The following DNAH10 variants were observed in gnomAD, a reference collection of about 807,000 sequenced individuals.
DNAH10 encodes axonemal beta dynein heavy chain 10.
A neutral mutation model predicts 506.6 loss-of-function variants in DNAH10; 348 were observed. The observed-to-expected ratio is 0.69, with a 90% CI of 0.63 to 0.75. The LOEUF (loss-of-function observed/expected upper bound fraction) is 0.75, where lower values mean the gene tolerates loss of function less well. Ranked by LOEUF, DNAH10 falls within the 30% of genes least tolerant of loss-of-function variation. The probability of loss-of-function intolerance (pLI) is 0.00; values close to 1 mark genes in which losing one functional copy is unlikely to be tolerated. For synonymous variants in DNAH10, 2,059 were observed against 2,198.6 expected (o/e 0.94, Z 1.78); for missense variants, 5,179 against 5,787.1 (o/e 0.89, Z 3.41).
chr12:123,916,391 C>T lies in DNAH10; in HGVS notation c.10723-66C>T, dbSNP rs1362779301. 11 of 1,547,032 alleles carry T rather than the reference C, an allele frequency of 7.1e-6. No individual in the cohort carries two copies. Among genetic ancestry groups the T allele is most frequent in the Non-Finnish European group, 9.6e-6 (11 of 1,150,118 alleles). The stretch of plus-strand genomic sequence containing the variant: ...CCACTTCCCACTTCCAAGCCATTCT[C>T]CCCTTATATTTGGCAGGGCCACAGT... On this transcript the variant is annotated intron_variant, in intron 62 of 78. Coordinates refer to ENST00000673944, the MANE Select transcript of DNAH10 (RefSeq NM_001372106.1). The surrounding 1 kb of genome is among the most constrained non-coding windows in gnomAD (Gnocchi z 4.6).
intron 57 of DNAH10, among the ~76,000 whole-genome samples, chr12:123,906,928 T>C (rs1953810123): frequency 6.6e-6 from 1 of 152,264 alleles, no homozygotes; most frequent in Non-Finnish European, 1.5e-5. Flanking sequence ...GATGTTTCTC[T>C]AACTATAAAA....
chr12:123,775,443 C>T (rs1957404025), intron 5 of DNAH10, among the ~76,000 whole-genome samples: 1 of 152,318 alleles, frequency 6.6e-6, no homozygotes, highest in South Asian at 2.1e-4. Flanking sequence ...AAAAACTCAT[C>T]AGCAGGCCTT....
chr12:123,780,939 T>A (rs1957621870), intron 5 of DNAH10, 141 bp from the exon 6 acceptor site: 1 of 526,228 alleles, frequency 1.9e-6, no homozygotes, highest in Admixed American at 5.8e-5. Flanking sequence ...TGAGACTCTG[T>A]CTCAAAAAAA....
At chr12:123,871,687 T>G in intron 45 of DNAH10, 85 bp downstream of exon 45, 2 of 1,443,982 alleles carry the variant, frequency 1.4e-6, no homozygotes, top group Non-Finnish European at 1.9e-6. Flanking sequence ...AGCACTGTGA[T>G]CTCACAGTTT....
At chr12:123,809,629 A>G (rs915695450) in intron 19 of DNAH10, among the ~76,000 whole-genome samples, 1 of 145,666 alleles carries the variant, frequency 6.9e-6, no homozygotes, top group African/African-American at 2.6e-5. Flanking sequence ...AGCCTGGGCA[A>G]CAGAGCAAGA....
Position 123,917,514 on chromosome 12 carries a change from ACAG to A in DNAH10, c.11003-66_11003-64del. 2 of 1,462,900 alleles carry A rather than the reference ACAG, an allele frequency of 1.4e-6. No homozygotes were observed. The highest frequency in any genetic ancestry group is 1.9e-6 in the Non-Finnish European group (2 of 1,076,958). 90.6% of individuals were successfully genotyped at this position (1,462,900 alleles called of 1,614,324 possible). ...AGACCCGCGCTAAGCTTGTCCCGTC[ACAG>A]CAGGGCAGCGGGAGAGACTGTTGTT... On this transcript the variant is annotated intron_variant, in intron 63 of 78. Coordinates refer to ENST00000673944, the MANE Select transcript of DNAH10 (RefSeq NM_001372106.1). This position sits in a 1 kb window ranked among gnomAD's most constrained non-coding sequence, Gnocchi z 5.6.
chr12:123,928,653 T>A lies in DNAH10; in HGVS notation c.12306+66T>A. ...TTCTCAGAACACCTGCATGCTGCTCTGGGGCCGGGGTGTGCCTTTGTCTGT... is the reference window on the plus strand; with the variant it reads ...TTCTCAGAACACCTGCATGCTGCTCAGGGGCCGGGGTGTGCCTTTGTCTGT... On this transcript the variant is annotated intron_variant, in intron 70 of 78. Transcript: ENST00000673944. This position sits in a 1 kb window ranked among gnomAD's most constrained non-coding sequence, Gnocchi z 4.9. The A allele has an allele frequency of 6.6e-7, 1 of 1,507,324 alleles. No homozygotes were observed. The highest frequency in any genetic ancestry group is 1.2e-5 in the South Asian group (1 of 81,606). 93.4% of individuals were successfully genotyped at this position (1,507,324 alleles called of 1,614,324 possible).
chr12:123,801,194 C>A, intron 15 of DNAH10, 87 bp from the exon 16 acceptor site: 1 of 1,411,996 alleles, frequency 7.1e-7, no homozygotes, highest in Non-Finnish European at 9.5e-7. Context: ...ATTGAGACCA[C>A]GGTCTTTTGT....
At position 123,909,701 on chromosome 12, in the gene DNAH10, C is replaced by T. The variant is rs936589167; in HGVS notation, c.9997+259C>T. Reference sequence around the variant, plus strand: ...CGATTCGGCACTAGTCCTAGCTCTCCGTGTCAGGAAACAGGATCTTCTCAT... The same window carrying T: ...CGATTCGGCACTAGTCCTAGCTCTCTGTGTCAGGAAACAGGATCTTCTCAT... On this transcript the variant is annotated intron_variant, in intron 58 of 78. Coordinates refer to ENST00000673944, the MANE Select transcript of DNAH10 (RefSeq NM_001372106.1). The surrounding 1 kb of genome is among the most constrained non-coding windows in gnomAD (Gnocchi z 5.4). 6.6e-6 allele frequency among the ~76,000 whole-genome samples: 1 copy of T among 152,358 alleles called. No individual in the cohort carries two copies. Among genetic ancestry groups the T allele is most frequent in the African/African-American group, 2.4e-5 (1 of 41,572 alleles).
At chr12:123,793,123 G>A (rs140403072) in intron 11 of DNAH10, among the ~76,000 whole-genome samples, 8 of 152,228 alleles carry the variant, frequency 5.3e-5, no homozygotes, top group African/African-American at 1.9e-4. Context: ...ATAGAATGGA[G>A]TGGGGGTGGG....
At chr12:123,877,052 C>G (rs1952285531) in intron 47 of DNAH10, among the ~76,000 whole-genome samples, 1 of 152,190 alleles carries the variant, frequency 6.6e-6, no homozygotes, top group South Asian at 2.1e-4. Context: ...GTTGTGCAAC[C>G]ATCAGCAACG....
Position 123,861,093 on chromosome 12 carries a change from C to A in DNAH10, c.6831C>A (p.Thr2277=). 1 of 1,613,952 alleles carries A rather than the reference C, an allele frequency of 6.2e-7. No individual in the cohort carries two copies. Among genetic ancestry groups the A allele is most frequent in the Non-Finnish European group, 8.5e-7 (1 of 1,179,900 alleles). The change falls in exon 39 of 79, where the codon ACC becomes ACA. Residue 2277 remains threonine (T), a synonymous_variant. Transcript: ENST00000673944. ...AACTCTACGGCATCCTGGACCCAAC[C>A]ACCCGAGACTGGACAGATGGGGTGT... ...VIELYGILDP[T]TRDWTDGVLS... is the part of the protein sequence containing the mutation.
intron 57 of DNAH10, among the ~76,000 whole-genome samples, chr12:123,906,856 C>T (rs550773509): frequency 6.6e-6 from 1 of 152,332 alleles, no homozygotes; most frequent in African/African-American, 2.4e-5. Context: ...ATACTCAATC[C>T]TCTTTGTAGA....
intron 52 of DNAH10, among the ~76,000 whole-genome samples, chr12:123,889,349 G>A (rs776793796): frequency 1.3e-4 from 20 of 152,198 alleles, no homozygotes; most frequent in Non-Finnish European, 2.5e-4. Context: ...TGATCATTGC[G>A]TTTTAAGTTG....
rs775265053 is a variant in DNAH10 at position 123,928,464 on chromosome 12, G to A, written c.12183G>A (p.Lys4061=). Residue 4061 remains lysine (K), a synonymous_variant, in exon 70 of 79, where the codon AAG becomes AAA. Transcript: ENST00000673944. The surrounding 1 kb of genome is among the most constrained non-coding windows in gnomAD (Gnocchi z 4.9). ...LMLQNCHLLV[K]WLKDLEKSLE... is the part of the protein sequence containing the mutation. ...TGCAGAACTGCCACCTCCTGGTCAA[G>A]TGGCTGAAAGATCTGGAGAAGTCCC... 8 of 1,610,290 alleles carry A rather than the reference G, an allele frequency of 5.0e-6. No homozygotes were observed. In the African/African-American group the frequency reaches 1.1e-4, roughly 22 times the overall value.
In DNAH10 at chr12:123,801,341, C is replaced by T. The variant is rs201076187; in HGVS notation, c.2523C>T (p.Asn841=). The T allele has an allele frequency of 3.1e-5, 50 of 1,614,062 alleles. No individual in the cohort carries two copies. The highest frequency in any genetic ancestry group is 4.0e-5 in the African/African-American group (3 of 74,926). Residue 841 remains asparagine, a synonymous_variant, in exon 16 of 79, where the codon AAC becomes AAT. Coordinates refer to ENST00000673944, the MANE Select transcript of DNAH10 (RefSeq NM_001372106.1). ...ATCACATGCTCATAGGAACGTTAAA[C>T]GATGCGGAGTCTGTGCTTCTCAAAG... The part of the protein sequence containing the change: ...DHYHMLIGTL[N]DAESVLLKDH...
intron 55 of DNAH10, among the ~76,000 whole-genome samples, chr12:123,898,325 C>T (rs574339093): frequency 2.2e-4 from 33 of 152,342 alleles, no homozygotes; most frequent in Non-Finnish European, 3.2e-4. Flanking sequence ...CTCCTCCCGC[C>T]TCAGCCTCCT....
At chr12:123,900,241 C>A (rs1953457328) in intron 56 of DNAH10, among the ~76,000 whole-genome samples, 1 of 152,134 alleles carries the variant, frequency 6.6e-6, no homozygotes, top group Non-Finnish European at 1.5e-5. Flanking sequence ...ATATTTCTGG[C>A]CCCCTAAATG....
rs933103974 is a variant in DNAH10 at position 123,919,885 on chromosome 12, G to A, written c.11506+936G>A. Among the ~76,000 whole-genome samples, 9 of 152,262 alleles carry A rather than the reference G, an allele frequency of 5.9e-5. No individual in the cohort carries two copies. The East Asian group carries it at 1.3e-3, about 23-fold the overall frequency. On this transcript the variant is annotated intron_variant, in intron 65 of 78. Coordinates refer to ENST00000673944, the MANE Select transcript of DNAH10 (RefSeq NM_001372106.1). This position sits in a 1 kb window ranked among gnomAD's most constrained non-coding sequence, Gnocchi z 4.9. ...ACCTGATGGGCATTTGGGTTGTTTC[G>A]CTTGTTTTGCTATTAAGGCAATGCT... is the stretch of plus-strand genomic sequence containing the variant.
Sources: allele counts gnomAD v4.1 joint callset (sites outside exome capture counted in the v4.1 genomes callset), GRCh38; gene constraint gnomAD v4.1.1; non-coding constraint Gnocchi (gnomAD v3.1); transcripts MANE v1.5; gene names NCBI Gene and HGNC (gene_info 2026-07-23, HGNC 2026-07-21).